The following SPRR2B variants were observed in gnomAD, a reference collection of about 807,000 sequenced individuals.
SPRR2B encodes the protein small proline rich protein 2B, also known as small proline-rich protein 2B.
Under a neutral mutation model 1.0 loss-of-function variants are expected in SPRR2B, and 1 was observed. The observed-to-expected ratio is 1.01, with a 90% CI of 0.36 to 4.77. SPRR2B has a LOEUF of 4.77. SPRR2B is among the 30% of genes most tolerant of loss of function. SPRR2B has a pLI of 0.16. For missense variants in SPRR2B, 53 were observed against 88.7 expected (o/e 0.60, Z 1.62); for synonymous variants, 27 against 33.4 (o/e 0.81, Z 0.66).
the SPRR2B span, among the ~76,000 whole-genome samples, chr1:153,080,323 T>G: frequency 2.6e-5 from 4 of 152,020 alleles, no homozygotes; most frequent in African/African-American, 4.8e-5. Flanking sequence ...TTGGACCAAA[T>G]AGACAAATAT....
Position 153,070,309 on chromosome 1 carries a change from A to G in SPRR2B, c.*312T>C. On this transcript the variant is annotated 3_prime_UTR_variant, in exon 2 of 2. Coordinates refer to ENST00000368755, the MANE Select transcript of SPRR2B (RefSeq NM_001388198.1). ...AGAAGCTCATGCCCAGGTGAAAGACAGACACAGAACACATCAACAGAATTC... is the reference window on the plus strand; with the variant it reads ...AGAAGCTCATGCCCAGGTGAAAGACGGACACAGAACACATCAACAGAATTC... The G allele has an allele frequency of 2.0e-6, 1 of 493,062 alleles. No individual in the cohort carries two copies. The allele number at this position is 493,062 out of a possible 1,614,324, so 30.5% of individuals were successfully genotyped here.
intron 1 of SPRR2B, among the ~76,000 whole-genome samples, chr1:153,071,155 G>T (rs1654657266): frequency 8.0e-6 from 1 of 125,736 alleles, no homozygotes; most frequent in South Asian, 2.4e-4. Context: ...CACAAGTTCA[G>T]ACCCCCTGGG....
At chr1:153,071,920 G>T (rs535143656), upstream of SPRR2B, among the ~76,000 whole-genome samples, 1 of 152,192 alleles carries the variant, frequency 6.6e-6, no homozygotes, top group South Asian at 2.1e-4. Flanking sequence ...TTCCTGCCCC[G>T]ATCCACTTTA....
In SPRR2B at chr1:153,070,656, G is replaced by A. The variant is rs1654640239; in HGVS notation, c.184C>T (p.Pro62Ser). Residue 62 changes from proline to serine, a missense_variant, in exon 2 of 2, where the codon CCC (proline) becomes TCC (serine). Physicochemically the swap from Pro to Ser is moderately conservative, Grantham distance 74 (BLOSUM62 -1). Coordinates refer to ENST00000368755, the MANE Select transcript of SPRR2B (RefSeq NM_001388198.1). ...QKYPPVTPSP[P>S]CQPKYPPKSK ...TTCGGTGGATACTTTGGCTGGCAGG[G>A]TGGGGAAGGTGTCACAGGAGGATAT... 1.2e-6 allele frequency: 2 copies of A among 1,612,292 alleles called. No homozygotes were observed. Among genetic ancestry groups the A allele is most frequent in the South Asian group, 1.1e-5 (1 of 90,976 alleles).
the SPRR2B span, among the ~76,000 whole-genome samples, chr1:153,087,294 A>C: frequency 2.4e-4 from 37 of 152,116 alleles, no homozygotes; most frequent in African/African-American, 8.4e-4. Context: ...AGAAAAAAAA[A>C]ATCTGGAAAG....
At chr1:153,086,455 G>T in the SPRR2B span, among the ~76,000 whole-genome samples, 11 of 152,184 alleles carry the variant, frequency 7.2e-5, no homozygotes, top group Non-Finnish European at 1.0e-4. Flanking sequence ...AATGGTAAAA[G>T]ATTCAAAGCA....
At chr1:153,079,561 C>A in the SPRR2B span, among the ~76,000 whole-genome samples, 1 of 152,046 alleles carries the variant, frequency 6.6e-6, no homozygotes, top group East Asian at 1.9e-4. Context: ...AGGAAGGGAT[C>A]CAGTTTCAGC....
chr1:153,081,943 G>A, the SPRR2B span, among the ~76,000 whole-genome samples: 8 of 150,774 alleles, frequency 5.3e-5, no homozygotes, highest in African/African-American at 9.8e-5. Context: ...TGCCTTTTTA[G>A]TAGTGGAACT....
the SPRR2B span, among the ~76,000 whole-genome samples, chr1:153,081,163 A>G: frequency 6.6e-6 from 1 of 152,376 alleles, no homozygotes; most frequent in South Asian, 2.1e-4. Flanking sequence ...CAAATTATCA[A>G]AAGAGAATCT....
chr1:153,083,795 G>C, the SPRR2B span, among the ~76,000 whole-genome samples: 2 of 152,350 alleles, frequency 1.3e-5, no homozygotes, highest in South Asian at 4.1e-4. Context: ...GAACTGCTTA[G>C]AGAGGTGACA....
upstream of SPRR2B, among the ~76,000 whole-genome samples, chr1:153,072,754 A>G (rs564411932): frequency 1.3e-5 from 2 of 152,264 alleles, no homozygotes; most frequent in South Asian, 2.1e-4. Context: ...TTCACATCCC[A>G]ATGTATACCT....
upstream of SPRR2B, among the ~76,000 whole-genome samples, chr1:153,072,662 A>G (rs777871920): frequency 2.6e-5 from 4 of 152,152 alleles, no homozygotes; most frequent in Non-Finnish European, 5.9e-5. Flanking sequence ...TCTTTGAAAG[A>G]CAGTATTATT....
chr1:153,079,466 T>G, the SPRR2B span, among the ~76,000 whole-genome samples: 34 of 152,366 alleles, frequency 2.2e-4, no homozygotes, highest in African/African-American at 7.9e-4. Flanking sequence ...TGGTATTGCC[T>G]AGGTTTTCTA....
chr1:153,084,539 C>A, the SPRR2B span, among the ~76,000 whole-genome samples: 12 of 152,104 alleles, frequency 7.9e-5, no homozygotes, highest in African/African-American at 2.7e-4. Flanking sequence ...CACATACCAA[C>A]AACACTACAA....
At chr1:153,080,135 A>T in the SPRR2B span, among the ~76,000 whole-genome samples, 1 of 151,364 alleles carries the variant, frequency 6.6e-6, no homozygotes, top group African/African-American at 2.4e-5. Context: ...AAATATAGAA[A>T]GCTATAAACC....
At chr1:153,076,048 T>C (rs11205183), upstream of SPRR2B, among the ~76,000 whole-genome samples, 5,891 of 152,308 alleles carry the variant, frequency 0.039, 879 homozygotes, top group East Asian at 0.49. Flanking sequence ...ATATATGTAT[T>C]CTATGTGAAA....
chr1:153,070,856 G>T lies in SPRR2B; in HGVS notation c.-17C>A. 1 of 1,137,150 alleles carries T rather than the reference G, an allele frequency of 8.8e-7. No homozygotes were observed. The highest frequency in any genetic ancestry group is 1.3e-6 in the Non-Finnish European group (1 of 797,594). 70.4% of individuals were successfully genotyped at this position (1,137,150 alleles called of 1,614,324 possible). ...ATAAGACATCCTGCTGGAGTCTCAG[G>T]ATCTGAAAGAAATGATACAACAGTG... On this transcript the variant is annotated splice_region_variant and 5_prime_UTR_variant, in exon 2 of 2. Coordinates refer to ENST00000368755, the MANE Select transcript of SPRR2B (RefSeq NM_001388198.1).
chr1:153,076,761 C>G, the SPRR2B span, among the ~76,000 whole-genome samples: 1 of 152,130 alleles, frequency 6.6e-6, no homozygotes, highest in Non-Finnish European at 1.5e-5. Context: ...ATAATTATAG[C>G]AGCTTTAGTC....
chr1:153,078,332 C>T, the SPRR2B span, among the ~76,000 whole-genome samples: 1 of 151,946 alleles, frequency 6.6e-6, no homozygotes. Flanking sequence ...CTACAAAAGA[C>T]ATGTATATAT....
Sources: allele counts gnomAD v4.1 joint callset (sites outside exome capture counted in the v4.1 genomes callset), GRCh38; gene constraint gnomAD v4.1.1; transcripts MANE v1.5; gene names NCBI Gene and HGNC (gene_info 2026-07-23, HGNC 2026-07-21).